The following FSTL5 variants were observed in gnomAD, a reference collection of about 807,000 sequenced individuals.
The protein encoded by FSTL5 is follistatin like 5.
FSTL5 carries 62 observed loss-of-function variants against 89.1 expected under a neutral mutation model. The observed-to-expected ratio is 0.70, with a 90% CI of 0.57 to 0.86. The LOEUF is 0.86. Ranked by LOEUF, FSTL5 falls within the 40% of genes least tolerant of loss-of-function variation. The pLI is 0.00. For synonymous variants in FSTL5, 383 were observed against 346.2 expected (o/e 1.11, Z -1.18); for missense variants, 1,057 against 1,001.6 (o/e 1.06, Z -0.75).
chr4:161,404,535 G>A (rs1334969075), intron 15 of FSTL5, among the ~76,000 whole-genome samples: 1 of 152,152 alleles, frequency 6.6e-6, no homozygotes, highest in Non-Finnish European at 1.5e-5. Flanking sequence ...GGCCAATCCT[G>A]TGTTGGCCAG....
chr4:162,069,901 T>C (rs1171042085), intron 2 of FSTL5, among the ~76,000 whole-genome samples: 1 of 151,884 alleles, frequency 6.6e-6, no homozygotes, highest in East Asian at 1.9e-4. Context: ...TTTGAGTCAA[T>C]ACCTAGTAGA....
rs116512631 is a variant in FSTL5, at chr4:161,784,296, C to T, written c.410-8222G>A. On this transcript the variant is annotated intron_variant, in intron 4 of 15. Transcript: ENST00000306100. Reference sequence around the variant, plus strand: ...ACAGTTTTGATTGTAGCAGCCTGTGCTTTACAGACATTGTTAATTTTGATT... The same window carrying T: ...ACAGTTTTGATTGTAGCAGCCTGTGTTTTACAGACATTGTTAATTTTGATT... 6.9e-3 allele frequency among the ~76,000 whole-genome samples: 1,045 copies of T among 152,060 alleles called. 14 individuals are homozygous for T. The highest frequency in any genetic ancestry group is 0.024 in the African/African-American group (998 of 41,486).
chr4:161,521,433 C>G (rs17041170), intron 10 of FSTL5, among the ~76,000 whole-genome samples: 50,284 of 151,846 alleles, frequency 0.33, 8,692 homozygotes, highest in Non-Finnish European at 0.38. Context: ...TGTGAGAAGC[C>G]TTAAGTCTTC....
chr4:161,387,571 G>A (rs1434897458), intron 15 of FSTL5: 1 of 151,864 alleles, frequency 6.6e-6, no homozygotes, highest in East Asian at 1.9e-4. Flanking sequence ...TCTACACATA[G>A]TACAAAATAT....
At chr4:161,955,293 C>T (rs759344418) in intron 3 of FSTL5, among the ~76,000 whole-genome samples, 1 of 151,514 alleles carries the variant, frequency 6.6e-6, no homozygotes, top group African/African-American at 2.4e-5. Flanking sequence ...CAGAGGAAAT[C>T]TCAATGAAGC....
At chr4:162,143,267 A>G (rs1455985069) in intron 1 of FSTL5, among the ~76,000 whole-genome samples, 1 of 152,092 alleles carries the variant, frequency 6.6e-6, no homozygotes, top group Non-Finnish European at 1.5e-5. Flanking sequence ...ACTTGTAAAG[A>G]TTATTGACTT....
At chr4:161,590,862 A>C (rs1213489521) in intron 7 of FSTL5, among the ~76,000 whole-genome samples, 1 of 152,240 alleles carries the variant, frequency 6.6e-6, no homozygotes, top group East Asian at 1.9e-4. Context: ...AAACTAAGTT[A>C]CTTAGGACTA....
intron 7 of FSTL5, among the ~76,000 whole-genome samples, chr4:161,627,055 T>C (rs1397913014): frequency 6.6e-6 from 1 of 152,176 alleles, no homozygotes; most frequent in African/African-American, 2.4e-5. Flanking sequence ...ATTTAGGAGA[T>C]TATGTAAACT....
chr4:161,829,139 T>TTATATATATATATA lies in FSTL5; in HGVS notation c.410-53079_410-53066dup, dbSNP rs56839306. Among the ~76,000 whole-genome samples the TTATATATATATATA allele has an allele frequency of 4.4e-3, 617 of 139,878 alleles. 1 individual carries two copies. Among genetic ancestry groups the TTATATATATATATA allele is most frequent in the African/African-American group, 9.2e-3 (355 of 38,714 alleles). 91.8% of individuals were successfully genotyped at this position (139,878 alleles called of 152,430 possible). A position where few individuals can be genotyped will look rare whatever the true frequency, so the allele number is the denominator to read the frequency against. On this transcript the variant is annotated intron_variant, in intron 4 of 15. Coordinates refer to ENST00000306100, the MANE Select transcript of FSTL5 (RefSeq NM_020116.5). ...AAGTTAAAAGGGCTTCAGTCACATT[T>TTATATATATATATA]TATATATATATATATATATATATGT...
At chr4:161,839,007 C>T (rs919874348) in intron 4 of FSTL5, among the ~76,000 whole-genome samples, 5 of 151,692 alleles carry the variant, frequency 3.3e-5, no homozygotes, top group Non-Finnish European at 7.4e-5. Flanking sequence ...AATCTTCAAA[C>T]CAAATTATAA....
At chr4:161,726,339 G>A (rs145283106) in intron 6 of FSTL5, among the ~76,000 whole-genome samples, 1,741 of 142,758 alleles carry the variant, frequency 0.012, 35 homozygotes, top group African/African-American at 0.043. Flanking sequence ...CAATTCTCCT[G>A]TGTCAGCCTC....
chr4:161,976,569 C>A (rs545386714), intron 3 of FSTL5, among the ~76,000 whole-genome samples: 2 of 152,256 alleles, frequency 1.3e-5, no homozygotes, highest in Non-Finnish European at 2.9e-5. Flanking sequence ...GCAAGCTCCG[C>A]CTTCCGTGTT....
rs1425741766 is a variant in FSTL5, at chr4:161,686,322, ATATATATATATATATATATATATATTTT to A, written c.728-29856_728-29829del. On this transcript the variant is annotated intron_variant, in intron 6 of 15. Coordinates refer to ENST00000306100, the MANE Select transcript of FSTL5 (RefSeq NM_020116.5). ...TCCTTTGCCATATATATATATATAT[ATATATATATATATATATATATATATTTT>A]TTTTTTTTTTTTTTTTTTTTTTTTT... Among the ~76,000 whole-genome samples, 25 of 4,360 alleles carry A rather than the reference ATATATATATATATATATATATATATTTT, an allele frequency of 5.7e-3. No homozygotes were observed. The South Asian group carries it at 0.26, about 45-fold the overall frequency. The allele number at this position is 4,360 out of a possible 152,430, so 2.9% of individuals were successfully genotyped here. A position where few individuals can be genotyped will look rare whatever the true frequency, so the allele number is the denominator to read the frequency against.
intron 15 of FSTL5, among the ~76,000 whole-genome samples, chr4:161,391,952 T>C (rs757595904): frequency 2.0e-5 from 3 of 152,224 alleles, no homozygotes; most frequent in Non-Finnish European, 2.9e-5. Context: ...GTTTTAGCTA[T>C]ATTACTTCTT....
At chr4:161,848,036 C>CAAAAAAA (rs139315536) in intron 4 of FSTL5, among the ~76,000 whole-genome samples, 12 of 48,220 alleles carry the variant, frequency 2.5e-4, no homozygotes, top group Admixed American at 3.6e-4. Context: ...GACTCCGTCT[C>CAAAAAAA]AAAAAAAAAA....
chr4:161,452,549 T>C (rs1450089813), intron 15 of FSTL5, among the ~76,000 whole-genome samples: 1 of 152,146 alleles, frequency 6.6e-6, no homozygotes, highest in African/African-American at 2.4e-5. Flanking sequence ...GTGTTCCTGA[T>C]GTGGAATAAA....
At chr4:162,163,020 A>T (rs1338028053) in intron 1 of FSTL5, among the ~76,000 whole-genome samples, 1 of 152,188 alleles carries the variant, frequency 6.6e-6, no homozygotes, top group Non-Finnish European at 1.5e-5. Flanking sequence ...ACTGAGTTTC[A>T]CAAGTTTTAT....
intron 2 of FSTL5, among the ~76,000 whole-genome samples, chr4:162,105,425 T>C (rs1168080727): frequency 1.3e-5 from 2 of 152,202 alleles, no homozygotes; most frequent in Non-Finnish European, 2.9e-5. Flanking sequence ...AACTCAAATA[T>C]TTTTTAGATT....
chr4:161,449,523 C>T (rs1291175852), intron 15 of FSTL5, among the ~76,000 whole-genome samples: 8 of 152,136 alleles, frequency 5.3e-5, no homozygotes, highest in African/African-American at 1.9e-4. Context: ...TCTCTTATTA[C>T]TCACAGGCCT....
Sources: gnomAD v4.1 joint callset for allele counts (sites outside exome capture counted in the v4.1 genomes callset) on GRCh38, gnomAD v4.1.1 for gene constraint, MANE v1.5 for transcripts, NCBI Gene and HGNC (gene_info 2026-07-23, HGNC 2026-07-21) for gene names.